EXOC6: variants seen among roughly 807,000 people sequenced by gnomAD.
EXOC6 encodes exocyst complex component 6, also known as SEC15-like 1.
A neutral mutation model predicts 112.5 loss-of-function variants in EXOC6; 60 were observed. The observed-to-expected ratio is 0.53, with a 90% CI of 0.43 to 0.66. EXOC6 has a LOEUF of 0.66. EXOC6 is among the 30% of genes least tolerant of loss of function. The pLI is 0.00. For synonymous variants in EXOC6, 295 were observed against 308.0 expected (o/e 0.96, Z 0.44); for missense variants, 855 against 957.1 (o/e 0.89, Z 1.41).
At chr10:92,988,682 G>A (rs762208202) in intron 18 of EXOC6, among the ~76,000 whole-genome samples, 44 of 152,038 alleles carry the variant, frequency 2.9e-4, no homozygotes, top group Admixed American at 2.2e-3. Context: ...TTCTGAGGCC[G>A]GACACGGTGG....
chr10:92,895,911 A>G (rs1849726309), intron 4 of EXOC6, among the ~76,000 whole-genome samples: 1 of 120,924 alleles, frequency 8.3e-6, no homozygotes, highest in Non-Finnish European at 1.8e-5. Context: ...CTTTTGTCCC[A>G]TTTTTAAACT....
intron 20 of EXOC6, among the ~76,000 whole-genome samples, chr10:93,035,912 A>ACAAGTTTAAC (rs1845494097): frequency 1.3e-5 from 2 of 151,664 alleles, no homozygotes; most frequent in African/African-American, 4.8e-5. Flanking sequence ...TGTTAAACTA[A>ACAAGTTTAAC]AATCAAACCT....
chr10:93,050,277 G>A (rs1028444978), intron 20 of EXOC6, among the ~76,000 whole-genome samples: 1 of 152,148 alleles, frequency 6.6e-6, no homozygotes, highest in Admixed American at 6.5e-5. Context: ...AAGGCCAGAC[G>A]CAGTGGCTCA....
chr10:92,945,573 C>T lies in EXOC6; in HGVS notation c.1311-2701C>T, dbSNP rs180723380. Among the ~76,000 whole-genome samples, 38 of 152,312 alleles carry T rather than the reference C, an allele frequency of 2.5e-4. No individual in the cohort carries two copies. The East Asian group carries it at 2.5e-3, about 10-fold the overall frequency. On this transcript the variant is annotated intron_variant, in intron 13 of 21. Coordinates refer to ENST00000260762, the MANE Select transcript of EXOC6 (RefSeq NM_019053.6). ...ACAGATCATATTAAGACTACATTAA[C>T]ATTCTTAGAATATAAATGTGCCTTT...
Position 92,834,918 on chromosome 10 carries a change from A to G in EXOC6, c.86+94A>G, listed in dbSNP as rs1846617476. ...ATAATTCTTTATAAGAGTAAAAAAT[A>G]TTCTTGCAAAACAGTTACAGTTCTG... On this transcript the variant is annotated intron_variant, in intron 1 of 21. Coordinates refer to the EXOC6 transcript ENST00000371552. The G allele has an allele frequency of 5.9e-6, 4 of 678,306 alleles. No individual in the cohort carries two copies. The Middle Eastern group carries it at 1.0e-3, about 176-fold the overall frequency. The allele number at this position is 678,306 out of a possible 1,614,324, so 42.0% of individuals were successfully genotyped here.
chr10:93,024,643 C>T (rs996199164), intron 20 of EXOC6, among the ~76,000 whole-genome samples: 2 of 152,114 alleles, frequency 1.3e-5, no homozygotes, highest in Admixed American at 1.3e-4. Context: ...GTTGCGAACT[C>T]CTGACCTCAG....
At chr10:92,831,480 C>CTGGA (rs1156825545), upstream of EXOC6, 5 of 470,870 alleles carry the variant, frequency 1.1e-5, no homozygotes, top group African/African-American at 2.1e-5. Context: ...GTCACTCAGG[C>CTGGA]TGGAGTACAA....
intron 20 of EXOC6, among the ~76,000 whole-genome samples, chr10:93,034,061 A>G (rs971766088): frequency 6.6e-6 from 1 of 152,216 alleles, no homozygotes; most frequent in Non-Finnish European, 1.5e-5. Flanking sequence ...TATTTCAACT[A>G]TATATATTAA....
At position 92,998,513 on chromosome 10, in the gene EXOC6, A is replaced by G. The variant is rs569386576; in HGVS notation, c.2095+898A>G. On this transcript the variant is annotated intron_variant, in intron 19 of 21. Coordinates refer to ENST00000260762, the MANE Select transcript of EXOC6 (RefSeq NM_019053.6). ...AGAAATGACTGATTTTTTTCAACAGATATCAAATAGTTTGTGCCCACTCTG... is the reference window on the plus strand; with the variant it reads ...AGAAATGACTGATTTTTTTCAACAGGTATCAAATAGTTTGTGCCCACTCTG... Among the ~76,000 whole-genome samples, 14 of 152,226 alleles carry G rather than the reference A, an allele frequency of 9.2e-5. No individual in the cohort carries two copies. In the South Asian group the frequency reaches 2.9e-3, roughly 32 times the overall value.
chr10:92,981,592 T>G (rs910152653), intron 18 of EXOC6, among the ~76,000 whole-genome samples: 1 of 152,228 alleles, frequency 6.6e-6, no homozygotes, highest in Non-Finnish European at 1.5e-5. Context: ...TGTTCATTTT[T>G]CTTCCTTTCT....
At chr10:92,885,174 T>C (rs1849150490) in intron 1 of EXOC6, among the ~76,000 whole-genome samples, 1 of 152,240 alleles carries the variant, frequency 6.6e-6, no homozygotes, top group Non-Finnish European at 1.5e-5. Flanking sequence ...AGTTAACTCA[T>C]ATTTAAACTT....
chr10:92,940,994 C>G (rs1319643756), intron 13 of EXOC6, among the ~76,000 whole-genome samples, 170 bp downstream of exon 13: 1 of 152,052 alleles, frequency 6.6e-6, no homozygotes, highest in Admixed American at 6.5e-5. Context: ...GGTGTACAGT[C>G]AAATTGTTGC....
chr10:92,974,318 C>A (rs940122154), intron 18 of EXOC6, 86 bp downstream of exon 18: 2 of 816,960 alleles, frequency 2.4e-6, no homozygotes, highest in Non-Finnish European at 3.5e-6. Context: ...CTTGCTTAAA[C>A]CAACTTCTTG....
chr10:92,891,047 A>G (rs1159984714), intron 1 of EXOC6, among the ~76,000 whole-genome samples: 2 of 152,226 alleles, frequency 1.3e-5, no homozygotes, highest in Non-Finnish European at 2.9e-5. Flanking sequence ...GGCTTAGTCC[A>G]GGGTGATACC....
At chr10:92,941,779 C>CA (rs948683939) in intron 13 of EXOC6, among the ~76,000 whole-genome samples, 1 of 152,094 alleles carries the variant, frequency 6.6e-6, no homozygotes, top group African/African-American at 2.4e-5. Flanking sequence ...AGGCCATGGA[C>CA]AAAAGTATTT....
At chr10:92,931,291 T>G (rs975383766) in intron 9 of EXOC6, among the ~76,000 whole-genome samples, 2 of 151,762 alleles carry the variant, frequency 1.3e-5, no homozygotes, top group African/African-American at 4.8e-5. Flanking sequence ...ATTTTTTTTT[T>G]TAGTGTAGTA....
chr10:92,985,966 A>T (rs1237710533), intron 18 of EXOC6, among the ~76,000 whole-genome samples: 1 of 151,790 alleles, frequency 6.6e-6, no homozygotes, highest in Non-Finnish European at 1.5e-5. Context: ...ATGAAAATAT[A>T]ACCATATATT....
At chr10:92,868,898 T>C (rs1848312109) in intron 1 of EXOC6, among the ~76,000 whole-genome samples, 1 of 145,226 alleles carries the variant, frequency 6.9e-6, no homozygotes, top group South Asian at 2.4e-4. Context: ...CCTTGTAGCC[T>C]CAACCTCCTG....
chr10:92,862,935 G>A (rs1184506289), intron 1 of EXOC6, among the ~76,000 whole-genome samples: 3 of 152,158 alleles, frequency 2.0e-5, no homozygotes, highest in African/African-American at 7.2e-5. Context: ...AACTTTTAGA[G>A]TCTATTTTGT....
Sources: allele counts gnomAD v4.1 joint callset (sites outside exome capture counted in the v4.1 genomes callset), GRCh38; gene constraint gnomAD v4.1.1; transcripts MANE v1.5; gene names NCBI Gene and HGNC (gene_info 2026-07-23, HGNC 2026-07-21).